PSMF1: variants seen among roughly 807,000 people sequenced by gnomAD.
PSMF1 encodes the protein proteasome inhibitor subunit 1.
PSMF1 carries 30 observed loss-of-function variants against 29.3 expected under a neutral mutation model. The ratio of observed to expected loss-of-function variants is 1.02; its 90% CI spans 0.77 to 1.39. The LOEUF (loss-of-function observed/expected upper bound fraction) is 1.39. PSMF1 is among the 40% of genes most tolerant of loss of function. The probability of loss-of-function intolerance (pLI) is 0.00; values close to 1 mark genes in which losing one functional copy is unlikely to be tolerated. For synonymous variants in PSMF1, 134 were observed against 139.7 expected, an observed-to-expected ratio of 0.96 and a Z score of 0.29; for missense variants, 344 against 357.5, an observed-to-expected ratio of 0.96 and a Z score of 0.31.
intron 3 of PSMF1, among the ~76,000 whole-genome samples, chr20:1,130,932 T>A (rs991680353): frequency 6.6e-6 from 1 of 152,268 alleles, no homozygotes; most frequent in African/African-American, 2.4e-5. Context: ...CTTCCCTCCT[T>A]GCCTGTGATC....
chr20:1,159,438 A>G (rs2086638844), intron 4 of PSMF1, among the ~76,000 whole-genome samples: 2 of 152,172 alleles, frequency 1.3e-5, no homozygotes, highest in African/African-American at 2.4e-5. Flanking sequence ...CTGCGATTAC[A>G]GGCATGAGCC....
At chr20:1,113,933 C>T (rs377096595), upstream of PSMF1, among the ~76,000 whole-genome samples, 804 of 152,122 alleles carry the variant, frequency 5.3e-3, 2 homozygotes, top group Middle Eastern at 0.031. Flanking sequence ...CCTCGTGATC[C>T]GCCCGCCTCA....
Position 1,125,617 on chromosome 20 carries a change from CA to C in PSMF1, c.250del (p.Thr84ProfsTer6). ...GSRKLLVKAI[T>X]VESSMILNVL... ...CCAGAAAGCTCCTTGTGAAAGCCAT[CA>C]CCGTGGAGAGCAGCATGATCCTCAA... On this transcript the variant is annotated frameshift_variant, in exon 2 of 7. Coordinates refer to ENST00000335877, the MANE Select transcript of PSMF1 (RefSeq NM_006814.5). LOFTEE classifies it high-confidence loss of function. 6.2e-7 allele frequency: 1 copy of C among 1,613,828 alleles called. No individual in the cohort carries two copies. The highest frequency in any genetic ancestry group is 1.1e-5 in the South Asian group (1 of 91,058).
intron 1 of PSMF1, among the ~76,000 whole-genome samples, chr20:1,119,861 A>T (rs1568461930): frequency 6.6e-6 from 1 of 152,162 alleles, no homozygotes; most frequent in Non-Finnish European, 1.5e-5. Flanking sequence ...AACCAAGACT[A>T]GCCATGGGAA....
chr20:1,153,546 A>G (rs1411227584), intron 4 of PSMF1, among the ~76,000 whole-genome samples: 1 of 152,020 alleles, frequency 6.6e-6, no homozygotes, highest in Non-Finnish European at 1.5e-5. Context: ...TTTGAGGTCA[A>G]CTGTGCCATA....
intron 4 of PSMF1, among the ~76,000 whole-genome samples, chr20:1,135,581 C>T (rs1206192893): frequency 6.6e-6 from 1 of 152,202 alleles, no homozygotes; most frequent in Non-Finnish European, 1.5e-5. Context: ...GGATCAGTGC[C>T]TCTGGGGCTT....
intron 3 of PSMF1, among the ~76,000 whole-genome samples, chr20:1,129,370 C>T (rs1433668428): frequency 6.6e-6 from 1 of 152,132 alleles, no homozygotes; most frequent in Non-Finnish European, 1.5e-5. Flanking sequence ...GCCCAGAAAC[C>T]CTGTTGCATT....
chr20:1,114,035 T>A (rs545727769), upstream of PSMF1, among the ~76,000 whole-genome samples: 1 of 152,024 alleles, frequency 6.6e-6, no homozygotes, highest in Non-Finnish European at 1.5e-5. Context: ...CGGTCAGGGG[T>A]GTGGGAGGAC....
chr20:1,142,177 G>A (rs748127951), intron 4 of PSMF1, among the ~76,000 whole-genome samples: 9 of 152,154 alleles, frequency 5.9e-5, no homozygotes, highest in South Asian at 4.1e-4. Context: ...AGCTGAGATC[G>A]CGCCACACCA....
intron 1 of PSMF1, among the ~76,000 whole-genome samples, chr20:1,122,293 T>G (rs1336750019): frequency 1.1e-5 from 1 of 89,186 alleles, no homozygotes; most frequent in Non-Finnish European, 2.2e-5. Flanking sequence ...TCTTTTTCTT[T>G]TCTTTTTTTT....
chr20:1,161,678 T>C (rs1282151116), intron 4 of PSMF1: 2 of 661,698 alleles, frequency 3.0e-6, no homozygotes, highest in African/African-American at 1.8e-5. Flanking sequence ...CCCCTCCATG[T>C]CCACCACAAA....
Position 1,118,783 on chromosome 20 carries a change from C to T in PSMF1, c.10C>T (p.Leu4=), listed in dbSNP as rs2086042357. The change falls in exon 1 of 7, where the codon CTG becomes TTG. Residue 4 remains leucine (L), a synonymous_variant. Coordinates refer to ENST00000335877, the MANE Select transcript of PSMF1 (RefSeq NM_006814.5). MAG[L]EVLFASAAPA... ...GAAGTCGCGGGCGCTCATGGCGGGC[C>T]TGGAGGTACTGTTCGCATCGGCAGC... 1 of 1,611,632 alleles carries T rather than the reference C, an allele frequency of 6.2e-7. No individual in the cohort carries two copies. The highest frequency in any genetic ancestry group is 2.2e-5 in the East Asian group (1 of 44,880).
At chr20:1,154,202 A>G (rs2086566403) in intron 4 of PSMF1, among the ~76,000 whole-genome samples, 1 of 152,220 alleles carries the variant, frequency 6.6e-6, no homozygotes, top group South Asian at 2.1e-4. Context: ...ATAATGCAAA[A>G]GTAATCATTG....
chr20:1,119,674 G>T (rs1190120794), intron 1 of PSMF1, among the ~76,000 whole-genome samples: 1 of 152,156 alleles, frequency 6.6e-6, no homozygotes, highest in African/African-American at 2.4e-5. Flanking sequence ...CAGAGTTCTA[G>T]GACTGCTGGA....
chr20:1,159,753 G>A (rs1012256875), intron 4 of PSMF1, among the ~76,000 whole-genome samples: 7 of 152,260 alleles, frequency 4.6e-5, no homozygotes, highest in African/African-American at 1.4e-4. Context: ...TGTGGCTTGG[G>A]AGCAGTAACC....
Position 1,165,560 on chromosome 20 carries a change from CTT to C in PSMF1, c.*484_*485del. 3 of 995,730 alleles carry C rather than the reference CTT, an allele frequency of 3.0e-6. No individual in the cohort carries two copies. The highest frequency in any genetic ancestry group is 4.5e-5 in the South Asian group (1 of 22,304). The allele number at this position is 995,730 out of a possible 1,614,324, so 61.7% of individuals were successfully genotyped here. A position where few individuals can be genotyped will look rare whatever the true frequency, so the allele number is the denominator to read the frequency against. On this transcript the variant is annotated 3_prime_UTR_variant, in exon 7 of 7. Transcript: ENST00000335877. ...TGAGTTTCTGTAGGGCTGAATGACT[CTT>C]TTTCCTGCCCAGGGCCCATTCTTGC...
At position 1,163,676 on chromosome 20, in the gene PSMF1, T is replaced by C. The variant is rs1415815091; in HGVS notation, c.605+493T>C. ...AGTGACCCCGACTTCAGCATCTCAT[T>C]TGTAGACAGTGGGGATATCACTTAA... is the stretch of plus-strand genomic sequence containing the variant. On this transcript the variant is annotated intron_variant, in intron 5 of 6. Coordinates refer to ENST00000335877, the MANE Select transcript of PSMF1 (RefSeq NM_006814.5). The surrounding 1 kb of genome is among the most constrained non-coding windows in gnomAD (Gnocchi z 6.1). Among the ~76,000 whole-genome samples the C allele has an allele frequency of 6.6e-6, 1 of 152,176 alleles. No homozygotes were observed. The highest frequency in any genetic ancestry group is 1.5e-5 in the Non-Finnish European group (1 of 68,022).
intron 3 of PSMF1, 126 bp from the exon 4 acceptor site, chr20:1,134,995 T>TA (rs986396690): frequency 1.1e-6 from 1 of 927,156 alleles, no homozygotes; most frequent in Admixed American, 2.0e-5. Context: ...CCCCCACTTA[T>TA]AAACAGGCCA....
Position 1,119,031 on chromosome 20 carries a change from C to T in PSMF1, c.129+129C>T, listed in dbSNP as rs2086048464. 12 of 1,305,828 alleles carry T rather than the reference C, an allele frequency of 9.2e-6. No homozygotes were observed. In the South Asian group the frequency reaches 1.1e-4, roughly 12 times the overall value. 80.9% of individuals were successfully genotyped at this position (1,305,828 alleles called of 1,614,324 possible). A position where few individuals can be genotyped will look rare whatever the true frequency, so the allele number is the denominator to read the frequency against. ...GTGCAGGGTCTGGGGCAGATGGCAG[C>T]GTTGGTAAAACCTGCGGGTCGGAGG... On this transcript the variant is annotated intron_variant, in intron 1 of 6. Transcript: ENST00000335877.
Sources: gnomAD v4.1 joint callset for allele counts (sites outside exome capture counted in the v4.1 genomes callset) on GRCh38, gnomAD v4.1.1 for gene constraint, Gnocchi (gnomAD v3.1) non-coding constraint, MANE v1.5 for transcripts, NCBI Gene and HGNC (gene_info 2026-07-23, HGNC 2026-07-21) for gene names.